The following LBP variants were observed in gnomAD, a reference collection of about 807,000 sequenced individuals.
The protein encoded by LBP is lipopolysaccharide binding protein.
In LBP, 53 loss-of-function variants were observed where a neutral mutation model predicts 56.6. The ratio of observed to expected loss-of-function variants is 0.94; its 90% CI spans 0.75 to 1.18. LBP has a LOEUF of 1.18. LBP is among the 50% of genes most tolerant of loss of function. The pLI is 0.00. For missense variants in LBP, 601 were observed against 598.3 expected, an observed-to-expected ratio of 1.00 and a Z score of -0.05; for synonymous variants, 227 against 247.5, an observed-to-expected ratio of 0.92 and a Z score of 0.78.
chr20:38,350,835 G>C lies in LBP; in HGVS notation c.264G>C (p.Leu88=), dbSNP rs763921613. The part of the protein sequence containing the change: ...FHSLNIHSCE[L]LHSALRPVPG... ...GCCTGAACATCCACAGCTGTGAGCT[G>C]CTTCACTCTGCGCTGAGGCCTGTCC... The change falls in exon 3 of 15, where the codon CTG becomes CTC. Residue 88 remains leucine (L), a synonymous_variant. Transcript: ENST00000217407. 2 of 1,612,274 alleles carry C rather than the reference G, an allele frequency of 1.2e-6. No individual in the cohort carries two copies. Among genetic ancestry groups the C allele is most frequent in the African/African-American group, 2.7e-5 (2 of 74,912 alleles).
chr20:38,356,929 C>T (rs141831997), intron 5 of LBP, among the ~76,000 whole-genome samples: 8,848 of 152,018 alleles, frequency 0.058, 776 homozygotes, highest in African/African-American at 0.2. Context: ...GACCTTGGCT[C>T]ACTGCAACCT....
chr20:38,366,014 A>C (rs570545488), intron 8 of LBP, among the ~76,000 whole-genome samples: 1 of 152,200 alleles, frequency 6.6e-6, no homozygotes, highest in Non-Finnish European at 1.5e-5. Context: ...TATAAGGGAG[A>C]CTGAATTTTA....
At chr20:38,360,420 G>A (rs1769042991) in intron 5 of LBP, among the ~76,000 whole-genome samples, 1 of 152,182 alleles carries the variant, frequency 6.6e-6, no homozygotes, top group African/African-American at 2.4e-5. Flanking sequence ...ACTGTCTCCA[G>A]CCAGTGCCCC....
intron 1 of LBP, among the ~76,000 whole-genome samples, chr20:38,349,256 C>T (rs2076811964): frequency 6.6e-6 from 1 of 152,222 alleles, no homozygotes; most frequent in African/African-American, 2.4e-5. Context: ...AGAAGGAGGA[C>T]TATCCGTCCA....
In LBP at chr20:38,368,889, A is replaced by C. The variant is rs112098655; in HGVS notation, c.982-106A>C. On this transcript the variant is annotated intron_variant, in intron 9 of 14. Transcript: ENST00000217407. Reference sequence around the variant, plus strand: ...AGGCACAGAGAATTTTGTTGGAAATAAAATCAATCGAAAGCAACTTCCAGC... The same window carrying C: ...AGGCACAGAGAATTTTGTTGGAAATCAAATCAATCGAAAGCAACTTCCAGC... 1.1e-4 allele frequency: 126 copies of C among 1,188,754 alleles called. 5 individuals carry two copies. In the African/African-American group the frequency reaches 1.2e-3, roughly 11 times the overall value. The allele number at this position is 1,188,754 out of a possible 1,614,324, so 73.6% of individuals were successfully genotyped here.
At chr20:38,369,910 C>T (rs2076895485) in intron 10 of LBP, among the ~76,000 whole-genome samples, 1 of 152,004 alleles carries the variant, frequency 6.6e-6, no homozygotes, top group Non-Finnish European at 1.5e-5. Context: ...ATGTTGGGTC[C>T]TTTGGGGGCC....
At chr20:38,374,230 A>C (rs2076910272) in intron 14 of LBP, among the ~76,000 whole-genome samples, 1 of 152,192 alleles carries the variant, frequency 6.6e-6, no homozygotes, top group Admixed American at 6.5e-5. Context: ...GTGGCATTTG[A>C]CACAGCCCTA....
intron 3 of LBP, among the ~76,000 whole-genome samples, chr20:38,351,924 A>C (rs1198977943): frequency 6.6e-6 from 1 of 152,094 alleles, no homozygotes; most frequent in East Asian, 1.9e-4. Context: ...CTGTAATCTC[A>C]ACTACTCAGG....
chr20:38,360,448 G>T (rs1000467212), intron 5 of LBP, among the ~76,000 whole-genome samples: 5 of 152,158 alleles, frequency 3.3e-5, no homozygotes, highest in African/African-American at 1.2e-4. Flanking sequence ...GGCTGTGTCA[G>T]TGACTCCCTA....
chr20:38,376,124 T>A (rs995552090), intron 14 of LBP, among the ~76,000 whole-genome samples: 3 of 152,200 alleles, frequency 2.0e-5, no homozygotes, highest in Non-Finnish European at 2.9e-5. Flanking sequence ...GCTCAATGTT[T>A]GACATGTGGA....
rs1392303158 is a variant in LBP at position 38,376,799 on chromosome 20, T to C, written c.*130T>C. ...CTCAGCTCCGGGGGTGAGGTGTGCC[T>C]GGCCTCTGCCTCCACCCTCCTCCTC... is the stretch of plus-strand genomic sequence containing the variant. On this transcript the variant is annotated 3_prime_UTR_variant, in exon 15 of 15. Coordinates refer to ENST00000217407, the MANE Select transcript of LBP (RefSeq NM_004139.5). The C allele has an allele frequency of 2.2e-6, 2 of 920,064 alleles. No homozygotes were observed. Among genetic ancestry groups the C allele is most frequent in the African/African-American group, 3.2e-5 (2 of 61,790 alleles). The allele number at this position is 920,064 out of a possible 1,614,324, so 57.0% of individuals were successfully genotyped here. A position where few individuals can be genotyped will look rare whatever the true frequency, so the allele number is the denominator to read the frequency against.
At chr20:38,371,232 A>C in intron 11 of LBP, 48 bp from the exon 12 acceptor site, 1 of 1,533,334 alleles carries the variant, frequency 6.5e-7, no homozygotes, top group East Asian at 2.2e-5. Flanking sequence ...CGCATTGCTT[A>C]AACTTGCATA....
chr20:38,355,956 C>T (rs2076837413), intron 5 of LBP, among the ~76,000 whole-genome samples: 1 of 151,638 alleles, frequency 6.6e-6, no homozygotes, highest in Admixed American at 6.6e-5. Flanking sequence ...TTCCTCTAAA[C>T]ACTCATTCAT....
intron 5 of LBP, among the ~76,000 whole-genome samples, chr20:38,357,964 G>T (rs181830478): frequency 1.3e-5 from 2 of 152,290 alleles, no homozygotes; most frequent in East Asian, 3.9e-4. Flanking sequence ...CACTCTCATC[G>T]CCATCTTGGT....
intron 1 of LBP, among the ~76,000 whole-genome samples, chr20:38,348,578 G>A (rs969747403): frequency 1.3e-5 from 2 of 152,076 alleles, no homozygotes; most frequent in Non-Finnish European, 2.9e-5. Flanking sequence ...GATTACAGGC[G>A]TGAGCCACTG....
chr20:38,370,661 T>G, intron 10 of LBP, 77 bp from the exon 11 acceptor site: 1 of 1,295,406 alleles, frequency 7.7e-7, no homozygotes. Flanking sequence ...GAGGAGACAG[T>G]TGGTCCCTCG....
intron 6 of LBP, among the ~76,000 whole-genome samples, chr20:38,363,237 T>C (rs11536972): frequency 0.064 from 9,733 of 152,278 alleles, 367 homozygotes; most frequent in South Asian, 0.14. Context: ...TTCAGCATTA[T>C]AAGATCCTGC....
At position 38,364,577 on chromosome 20, in the gene LBP, G is replaced by T. The variant is rs73909012; in HGVS notation, c.746G>T (p.Gly249Val). 2.5e-6 allele frequency: 4 copies of T among 1,613,852 alleles called. No homozygotes were observed. Among genetic ancestry groups the T allele is most frequent in the Non-Finnish European group, 2.5e-6 (3 of 1,179,942 alleles). The change falls in exon 8 of 15, where the codon GGT becomes GTT. Residue 249 changes from glycine (G) to valine (V), a missense_variant and splice_region_variant. Physicochemically the swap from Gly to Val is moderately radical, Grantham distance 109 (BLOSUM62 -3). Transcript: ENST00000217407. ...ATTGGACCCTATTTCCCTCTCCAGG[G>T]TGAAATCTTTCATCGTAACCACCGT... is the stretch of plus-strand genomic sequence containing the variant. ...TAQMLEVMFK[G>V]EIFHRNHRSP...
intron 1 of LBP, among the ~76,000 whole-genome samples, chr20:38,347,257 G>A (rs556569385): frequency 2.6e-5 from 4 of 152,292 alleles, no homozygotes; most frequent in South Asian, 2.1e-4. Flanking sequence ...TTTAAAGAAT[G>A]GGCAGGCCAG....
Sources: allele counts gnomAD v4.1 joint callset (sites outside exome capture counted in the v4.1 genomes callset), GRCh38; gene constraint gnomAD v4.1.1; transcripts MANE v1.5; gene names NCBI Gene and HGNC (gene_info 2026-07-23, HGNC 2026-07-21).